Variants in ACTN1 observed in about 807,000 individuals in gnomAD.
ACTN1 encodes alpha-actinin-1.
In ACTN1, 30 loss-of-function variants were observed where a neutral mutation model predicts 119.6. The observed-to-expected ratio is 0.25, with a 90% CI of 0.19 to 0.34. ACTN1 has a LOEUF of 0.34. ACTN1 is among the 10% of genes least tolerant of loss of function. The pLI, the probability that ACTN1 is intolerant of heterozygous loss-of-function variation, is 1.00. For synonymous variants in ACTN1, 429 were observed against 472.6 expected (o/e 0.91, Z 1.20); for missense variants, 764 against 1,223.4 (o/e 0.62, Z 5.60).
At chr14:68,890,897 C>T (rs1030573561) in intron 10 of ACTN1, among the ~76,000 whole-genome samples, 1 of 152,224 alleles carries the variant, frequency 6.6e-6, no homozygotes, top group African/African-American at 2.4e-5. Flanking sequence ...TGGACAGTCA[C>T]TGGGGCTGCA....
chr14:68,899,221 A>C (rs1289351978), intron 8 of ACTN1, among the ~76,000 whole-genome samples: 12 of 80,016 alleles, frequency 1.5e-4, no homozygotes, highest in African/African-American at 1.4e-4. Context: ...CACACCACAC[A>C]CCACACCCCA....
intron 1 of ACTN1, among the ~76,000 whole-genome samples, chr14:68,943,982 C>T (rs1333700266): frequency 6.6e-6 from 1 of 152,194 alleles, no homozygotes; most frequent in African/African-American, 2.4e-5. Flanking sequence ...CTGCACCAGT[C>T]CCTGCTCAGT....
In ACTN1 at chr14:68,882,976, T is replaced by G; in HGVS notation, c.1715A>C (p.His572Pro). 1 of 1,614,246 alleles carries G rather than the reference T, an allele frequency of 6.2e-7. No individual in the cohort carries two copies. The highest frequency in any genetic ancestry group is 8.5e-7 in the Non-Finnish European group (1 of 1,180,040). Residue 572 changes from histidine (H) to proline (P), a missense_variant, in exon 15 of 22, where the codon CAC becomes CCC. By Grantham distance (77) the His-to-Pro change is moderately conservative. Coordinates refer to ENST00000394419, the MANE Select transcript of ACTN1 (RefSeq NM_001130004.2). The surrounding 1 kb of genome is among the most constrained non-coding windows in gnomAD (Gnocchi z 4.5). Reference protein sequence around the residue: ...DKERLAILGIHNEVSKIVQTY... With the variant: ...DKERLAILGIPNEVSKIVQTY... ...CTGGACAATCTTGGACACCTCATTG[T>G]GGATGCCCAGGATGGCCAGGCGCTC...
At chr14:68,894,790 G>A (rs1247773224) in intron 8 of ACTN1, among the ~76,000 whole-genome samples, 1 of 152,084 alleles carries the variant, frequency 6.6e-6, no homozygotes, top group Non-Finnish European at 1.5e-5. Context: ...ATGATCCCTG[G>A]ATTAACAGGT....
At chr14:68,905,844 T>G (rs2033630686) in intron 6 of ACTN1, among the ~76,000 whole-genome samples, 1 of 151,660 alleles carries the variant, frequency 6.6e-6, no homozygotes. Flanking sequence ...ATACAAAAAT[T>G]AGCTGGGTGT....
At chr14:68,934,945 C>T (rs940897775) in intron 1 of ACTN1, among the ~76,000 whole-genome samples, 6 of 152,156 alleles carry the variant, frequency 3.9e-5, no homozygotes, top group Non-Finnish European at 8.8e-5. Context: ...GCTAACAGGG[C>T]TTGCACTCCA....
At position 68,885,597 on chromosome 14, in the gene ACTN1, T is replaced by A; in HGVS notation, c.1235-22A>T. On this transcript the variant is annotated intron_variant, in intron 11 of 21. Transcript: ENST00000394419. This position sits in a 1 kb window ranked among gnomAD's most constrained non-coding sequence, Gnocchi z 5.6. ...TTGCCTGGGTTGAGAGAGGGCCACA[T>A]GGCTGAGCTGGAGTGAGAAGCATCT... 2 of 1,608,992 alleles carry A rather than the reference T, an allele frequency of 1.2e-6. No individual in the cohort carries two copies. The highest frequency in any genetic ancestry group is 1.7e-6 in the Non-Finnish European group (2 of 1,179,462).
chr14:68,893,221 G>T (rs766216364), intron 9 of ACTN1, among the ~76,000 whole-genome samples: 2 of 152,138 alleles, frequency 1.3e-5, no homozygotes, highest in Non-Finnish European at 2.9e-5. Context: ...AACAGTAGGG[G>T]ACAGCCGCTA....
chr14:68,964,880 G>A (rs920163790), intron 1 of ACTN1, among the ~76,000 whole-genome samples: 3 of 152,124 alleles, frequency 2.0e-5, no homozygotes, highest in Non-Finnish European at 2.9e-5. Flanking sequence ...AAACGCAAGA[G>A]CCAGTCCCAG....
At chr14:68,973,129 G>A (rs917007470) in intron 1 of ACTN1, among the ~76,000 whole-genome samples, 1 of 152,124 alleles carries the variant, frequency 6.6e-6, no homozygotes, top group African/African-American at 2.4e-5. Flanking sequence ...AAGCAGGAGA[G>A]GCAGAGAAGG....
intron 1 of ACTN1, among the ~76,000 whole-genome samples, chr14:68,964,856 C>T (rs1209769322): frequency 6.6e-6 from 1 of 152,190 alleles, no homozygotes; most frequent in East Asian, 1.9e-4. Context: ...TCTCTCCATT[C>T]CCTCCTCAAC....
At chr14:68,977,153 C>T (rs970130209) in intron 1 of ACTN1, among the ~76,000 whole-genome samples, 1 of 152,170 alleles carries the variant, frequency 6.6e-6, no homozygotes, top group Non-Finnish European at 1.5e-5. Context: ...TCGATTCTAA[C>T]CCCCAGGGAA....
At chr14:68,914,601 C>T (rs1465933966) in intron 3 of ACTN1, among the ~76,000 whole-genome samples, 1 of 151,986 alleles carries the variant, frequency 6.6e-6, no homozygotes, top group East Asian at 1.9e-4. Context: ...CTTGTCTCTA[C>T]AAAAAAATGA....
Position 68,880,769 on chromosome 14 carries a change from G to A in ACTN1, c.2133+41C>T. 1.2e-6 allele frequency: 2 copies of A among 1,601,358 alleles called. No individual in the cohort carries two copies. Among genetic ancestry groups the A allele is most frequent in the South Asian group, 2.2e-5 (2 of 90,108 alleles). The stretch of plus-strand genomic sequence containing the variant: ...CCACCCAGGAGAAAGAGCAGAAGGG[G>A]CCACGGGCTCCCGAAGAGGAACAAG... On this transcript the variant is annotated intron_variant, in intron 17 of 21. Coordinates refer to ENST00000394419, the MANE Select transcript of ACTN1 (RefSeq NM_001130004.2). The surrounding 1 kb of genome is among the most constrained non-coding windows in gnomAD (Gnocchi z 4.6).
intron 3 of ACTN1, among the ~76,000 whole-genome samples, chr14:68,920,579 G>C (rs956984280): frequency 6.6e-6 from 1 of 152,124 alleles, no homozygotes; most frequent in African/African-American, 2.4e-5. Flanking sequence ...TAGAGGCTTC[G>C]GGACTTCAGT....
In ACTN1 at chr14:68,909,354, G is replaced by C; in HGVS notation, c.558C>G (p.His186Gln). 6.2e-7 allele frequency: 1 copy of C among 1,614,100 alleles called. No homozygotes were observed. Among genetic ancestry groups the C allele is most frequent in the East Asian group, 2.2e-5 (1 of 44,884 alleles). ...TCCCGTAGTCAATCAGCTCGGGCCGGTGTCGGTGGATCAAAGCACAGAAGC... is the reference window on the plus strand; with the variant it reads ...TCCCGTAGTCAATCAGCTCGGGCCGCTGTCGGTGGATCAAAGCACAGAAGC... ...GLGFCALIHR[H>Q]RPELIDYGKL... Residue 186 changes from histidine to glutamine, a missense_variant, in exon 6 of 22, where the codon CAC becomes CAG. Physicochemically the swap from His to Gln is conservative, Grantham distance 24. Transcript: ENST00000394419. The surrounding 1 kb of genome is among the most constrained non-coding windows in gnomAD (Gnocchi z 4.1).
At chr14:68,937,676 A>G (rs1402569579) in intron 1 of ACTN1, among the ~76,000 whole-genome samples, 1 of 152,190 alleles carries the variant, frequency 6.6e-6, no homozygotes, top group Non-Finnish European at 1.5e-5. Context: ...GAGCTTCTAC[A>G]CTTCCTGAAA....
chr14:68,888,159 C>T, intron 11 of ACTN1: 2 of 518,574 alleles, frequency 3.9e-6, no homozygotes, highest in Non-Finnish European at 7.1e-6. Context: ...AACTGTGCTG[C>T]CTGGCCGCTG....
At chr14:68,918,385 TC>T (rs1249543897) in intron 3 of ACTN1, among the ~76,000 whole-genome samples, 6 of 151,106 alleles carry the variant, frequency 4.0e-5, no homozygotes, top group Admixed American at 2.6e-4. Flanking sequence ...ATCGAGACCA[TC>T]CTGGTTAACA....
Sources: gnomAD v4.1 joint callset for allele counts (sites outside exome capture counted in the v4.1 genomes callset) on GRCh38, gnomAD v4.1.1 for gene constraint, Gnocchi (gnomAD v3.1) non-coding constraint, MANE v1.5 for transcripts, NCBI Gene and HGNC (gene_info 2026-07-23, HGNC 2026-07-21) for gene names.